The following SULT6B1 variants were observed in gnomAD, a reference collection of about 807,000 sequenced individuals.
SULT6B1 encodes sulfotransferase family 6B member 1.
Under a neutral mutation model 37.2 loss-of-function variants are expected in SULT6B1, and 44 were observed. The ratio of observed to expected loss-of-function variants is 1.18; its 90% CI spans 0.93 to 1.52. The LOEUF is 1.52. Ranked by LOEUF, SULT6B1 falls within the 40% of genes most tolerant of loss-of-function variation. The pLI is 0.00. For synonymous variants in SULT6B1, 140 were observed against 126.0 expected (o/e 1.11, Z -0.74); for missense variants, 450 against 361.0 (o/e 1.25, Z -2.00).
rs533574928 is a variant in SULT6B1 at position 37,172,529 on chromosome 2, C to T, written c.625-939G>A. Among the ~76,000 whole-genome samples the T allele has an allele frequency of 2.9e-3, 441 of 150,844 alleles. 1 individual carries two copies. The highest frequency in any genetic ancestry group is 4.9e-3 in the Non-Finnish European group (335 of 67,702). On this transcript the variant is annotated intron_variant, in intron 5 of 6. Coordinates refer to ENST00000535679, the MANE Select transcript of SULT6B1 (RefSeq NM_001367551.1). ...TAAATCTCACTTTTTTTTTTTGAGA[C>T]GGAGTTTCTCTCTTGTTGTCCAGGG...
At chr2:37,178,080 T>C (rs1268534449) in intron 4 of SULT6B1, among the ~76,000 whole-genome samples, 5 of 152,142 alleles carry the variant, frequency 3.3e-5, no homozygotes, top group Non-Finnish European at 7.3e-5. Flanking sequence ...TTCTCACTCT[T>C]GTTGCCCAGG....
At position 37,187,470 on chromosome 2, in the gene SULT6B1, A is replaced by G. The variant is rs757391196; in HGVS notation, c.200-3T>C. 1 of 1,534,504 alleles carries G rather than the reference A, an allele frequency of 6.5e-7. No individual in the cohort carries two copies. The highest frequency in any genetic ancestry group is 8.9e-7 in the Non-Finnish European group (1 of 1,121,372). On this transcript the variant is annotated splice_region_variant and splice_polypyrimidine_tract_variant and intron_variant, in intron 1 of 6. Transcript: ENST00000535679. Reference sequence around the variant, plus strand: ...AATGTGGAGAATCCAGTTTGAACCTATCAGAAAAATCAGAGAATAAAAACT... The same window carrying G: ...AATGTGGAGAATCCAGTTTGAACCTGTCAGAAAAATCAGAGAATAAAAACT...
At chr2:37,190,525 G>A (rs1033680099), upstream of SULT6B1, among the ~76,000 whole-genome samples, 1 of 152,126 alleles carries the variant, frequency 6.6e-6, no homozygotes, top group Non-Finnish European at 1.5e-5. Context: ...CTTATGAAAT[G>A]GGTGTTGCTT....
chr2:37,177,411 C>CAAAAAAAAAAAAAAAAAAAAA (rs57205863), intron 4 of SULT6B1, among the ~76,000 whole-genome samples: 4 of 76,292 alleles, frequency 5.2e-5, no homozygotes, highest in East Asian at 4.7e-4. Flanking sequence ...AATCTTGTCT[C>CAAAAAAAAAAAAAAAAAAAAA]AAAAAAAAAA....
intron 1 of SULT6B1, chr2:37,194,498 G>T: frequency 5.0e-6 from 2 of 400,012 alleles, no homozygotes; most frequent in Non-Finnish European, 9.7e-6. Flanking sequence ...GATACGGTAC[G>T]GGACATTCCT....
intron 2 of SULT6B1, 121 bp downstream of exon 2, chr2:37,187,234 C>G (rs1676693579): frequency 4.6e-6 from 3 of 653,184 alleles, no homozygotes; most frequent in Non-Finnish European, 8.2e-6. Flanking sequence ...ATGGTAAGCA[C>G]ACAGTAAATT....
At chr2:37,177,430 A>G (rs1012687623) in intron 4 of SULT6B1, among the ~76,000 whole-genome samples, 21 of 145,048 alleles carry the variant, frequency 1.4e-4, no homozygotes, top group South Asian at 4.6e-4. Context: ...AAAAAAAAAA[A>G]AAAGAAAGAA....
chr2:37,183,868 T>C (rs1676612689), intron 2 of SULT6B1, among the ~76,000 whole-genome samples: 2 of 152,146 alleles, frequency 1.3e-5, no homozygotes, highest in South Asian at 4.1e-4. Flanking sequence ...GGTCTGAAAC[T>C]CCTGACCTCA....
chr2:37,194,497 C>T (rs752748225), intron 1 of SULT6B1: 23 of 398,448 alleles, frequency 5.8e-5, no homozygotes, highest in African/African-American at 1.9e-4. Flanking sequence ...GGATACGGTA[C>T]GGGACATTCC....
rs189385820 is a variant in SULT6B1 at position 37,194,212 on chromosome 2, C to T, written c.-22+2304G>A. 2.6e-5 allele frequency among the ~76,000 whole-genome samples: 4 copies of T among 151,060 alleles called. No homozygotes were observed. In the East Asian group the frequency reaches 7.8e-4, roughly 29 times the overall value. ...TTTTCGAGACAAAGCCTTTTTCTGT[C>T]ACCTAGGGTGGAGTGCAGTGAGATC... On this transcript the variant is annotated intron_variant, in intron 1 of 7. Transcript: ENST00000407963.
In SULT6B1 at chr2:37,171,415, G is replaced by A; in HGVS notation, c.781+19C>T. 1 of 1,607,828 alleles carries A rather than the reference G, an allele frequency of 6.2e-7. No homozygotes were observed. Among genetic ancestry groups the A allele is most frequent in the Non-Finnish European group, 8.5e-7 (1 of 1,176,822 alleles). ...CAGTCCCTAACTGATAACAATCCCA[G>A]AAACCAATGCGACTTTACCTTTGCG... On this transcript the variant is annotated intron_variant, in intron 6 of 6. Transcript: ENST00000535679.
At position 37,188,476 on chromosome 2, in the gene SULT6B1, A is replaced by T; in HGVS notation, c.165T>A (p.His55Gln). Residue 55 changes from histidine (H) to glutamine (Q), a missense_variant, in exon 1 of 7, where the codon CAT becomes CAA. Transcript: ENST00000535679. ...GATAAGATGCTAGCACGATGTCATC[A>T]TGTCTGGCTTCGAAGGTGTCCAGCG... ...FQALDTFEAR[H>Q]DDIVLASYPK... 2 of 1,614,118 alleles carry T rather than the reference A, an allele frequency of 1.2e-6. No individual in the cohort carries two copies. The highest frequency in any genetic ancestry group is 1.7e-6 in the Non-Finnish European group (2 of 1,179,984).
At chr2:37,191,849 C>A (rs1676787198), upstream of SULT6B1, among the ~76,000 whole-genome samples, 1 of 152,250 alleles carries the variant, frequency 6.6e-6, no homozygotes, top group Non-Finnish European at 1.5e-5. Flanking sequence ...GGGAGTGGAG[C>A]AATGGGACTA....
At chr2:37,172,913 C>T (rs1676337654) in intron 5 of SULT6B1, among the ~76,000 whole-genome samples, 2 of 151,466 alleles carry the variant, frequency 1.3e-5, no homozygotes, top group East Asian at 3.9e-4. Context: ...AGTGCAATGG[C>T]ACAATATCAG....
intron 5 of SULT6B1, among the ~76,000 whole-genome samples, chr2:37,173,569 C>A (rs555969135): frequency 1.3e-5 from 2 of 152,264 alleles, no homozygotes; most frequent in East Asian, 3.9e-4. Flanking sequence ...AACCTCTGAT[C>A]TCCCCGACAG....
chr2:37,191,136 T>C (rs1367396366), upstream of SULT6B1: 1 of 151,348 alleles, frequency 6.6e-6, no homozygotes, highest in Non-Finnish European at 1.5e-5. Flanking sequence ...TACAGCTAAG[T>C]CCAGGCAGAA....
intron 6 of SULT6B1, 103 bp downstream of exon 6, chr2:37,171,331 A>C: frequency 7.1e-7 from 1 of 1,418,388 alleles, no homozygotes; most frequent in South Asian, 1.5e-5. Context: ...AGGCGGAGAA[A>C]AATAAAACCC....
upstream of SULT6B1, among the ~76,000 whole-genome samples, chr2:37,192,429 T>C (rs1437298763): frequency 6.6e-6 from 1 of 152,232 alleles, no homozygotes; most frequent in Non-Finnish European, 1.5e-5. Context: ...TGAATATTTA[T>C]TTTTTAAAGA....
At position 37,179,527 on chromosome 2, in the gene SULT6B1, T is replaced by C. The variant is rs749776740; in HGVS notation, c.460A>G (p.Asn154Asp). 3.7e-6 allele frequency: 6 copies of C among 1,614,026 alleles called. No homozygotes were observed. In the South Asian group the frequency reaches 4.4e-5, roughly 12 times the overall value. ...TAGCTTGGAATATCGGGGACATCGT[T>C]GTGGAAATGCAAAAAAGATACTGCT... ...DTAVSFLHFHNDVPDIPSYGS... is the reference protein window; with the variant it reads ...DTAVSFLHFHDDVPDIPSYGS... The change falls in exon 4 of 7, where the codon AAC becomes GAC. Residue 154 changes from asparagine to aspartate, a missense_variant. Physicochemically the swap from Asn to Asp is conservative, Grantham distance 23. Coordinates refer to ENST00000535679, the MANE Select transcript of SULT6B1 (RefSeq NM_001367551.1).
Sources: gnomAD v4.1 joint callset for allele counts (sites outside exome capture counted in the v4.1 genomes callset) on GRCh38, gnomAD v4.1.1 for gene constraint, MANE v1.5 for transcripts, NCBI Gene and HGNC (gene_info 2026-07-23, HGNC 2026-07-21) for gene names.